The following ZNF763 variants were observed in gnomAD, a reference collection of about 807,000 sequenced individuals.
ZNF763 encodes DNA-binding protein.
Under a neutral mutation model 38.0 loss-of-function variants are expected in ZNF763, and 33 were observed. That is an observed-to-expected ratio of 0.87 (90% CI 0.66 to 1.16). The LOEUF (loss-of-function observed/expected upper bound fraction) is 1.16. Ranked by LOEUF, ZNF763 falls within the 50% of genes most tolerant of loss-of-function variation. The pLI is 0.00. For missense variants in ZNF763, 423 were observed against 469.1 expected, an observed-to-expected ratio of 0.90 and a Z score of 0.91; for synonymous variants, 155 against 160.1, an observed-to-expected ratio of 0.97 and a Z score of 0.24.
In ZNF763 at chr19:11,978,399, T is replaced by G; in HGVS notation, c.475T>G (p.Phe159Val). The G allele has an allele frequency of 6.2e-7, 1 of 1,614,164 alleles. No individual in the cohort carries two copies. Among genetic ancestry groups the G allele is most frequent in the Non-Finnish European group, 8.5e-7 (1 of 1,180,020 alleles). ...PKKAFRYHPS[F>V]RTQERNHTGE... is the part of the protein sequence containing the mutation. ...GAAAGCCTTCAGATATCACCCCTCC[T>G]TTAGAACACAAGAAAGGAATCACAC... is the stretch of plus-strand genomic sequence containing the variant. The change falls in exon 4 of 4, where the codon TTT becomes GTT. Residue 159 changes from phenylalanine to valine, a missense_variant. Physicochemically the swap from Phe to Val is conservative, Grantham distance 50. Coordinates refer to ENST00000358987, the MANE Select transcript of ZNF763 (RefSeq NM_001367172.2).
rs1225367258 is a variant in ZNF763 at position 11,979,361 on chromosome 19, T to A, written c.*252T>A. 3 of 1,608,762 alleles carry A rather than the reference T, an allele frequency of 1.9e-6. No homozygotes were observed. Among genetic ancestry groups the A allele is most frequent in the Non-Finnish European group, 2.5e-6 (3 of 1,177,968 alleles). Reference sequence around the variant, plus strand: ...ACTCACTGGAGAGAAACCCTATGAGTGTAAGGAATGTGGGAAAGCCTTCAG... The same window carrying A: ...ACTCACTGGAGAGAAACCCTATGAGAGTAAGGAATGTGGGAAAGCCTTCAG... On this transcript the variant is annotated 3_prime_UTR_variant, in exon 4 of 4. Coordinates refer to ENST00000358987, the MANE Select transcript of ZNF763 (RefSeq NM_001367172.2).
In ZNF763 at chr19:11,978,355, A is replaced by G. The variant is rs368440467; in HGVS notation, c.431A>G (p.Tyr144Cys). 2.1e-5 allele frequency: 34 copies of G among 1,614,126 alleles called. No individual in the cohort carries two copies. Among genetic ancestry groups the G allele is most frequent in the Middle Eastern group, 1.6e-4 (1 of 6,084 alleles). Reference sequence around the variant, plus strand: ...TATCAGGACTATGCACCAAAGCCATATAAGTGTCAACAACCTAAGAAAGCC... The same window carrying G: ...TATCAGGACTATGCACCAAAGCCATGTAAGTGTCAACAACCTAAGAAAGCC... ...YEYQDYAPKP[Y>C]KCQQPKKAFR... The change falls in exon 4 of 4, where the codon TAT (tyrosine) becomes TGT (cysteine). Residue 144 changes from tyrosine (Y) to cysteine (C), a missense_variant. By Grantham distance (194) the Tyr-to-Cys change is radical. Transcript: ENST00000358987.
At chr19:11,967,818 G>A (rs1233116862) in intron 1 of ZNF763, among the ~76,000 whole-genome samples, 2 of 152,186 alleles carry the variant, frequency 1.3e-5, no homozygotes, top group African/African-American at 4.8e-5. Context: ...TTGTTATGTA[G>A]GGGTCTTGTC....
chr19:11,965,131 C>T lies in ZNF763; in HGVS notation c.-78C>T, dbSNP rs2145318070. Reference sequence around the variant, plus strand: ...CTGGTACCTCTACCCAGGTTTCTATCGCTCTGTCTCCTGCGCTGTGCCCTT... The same window carrying T: ...CTGGTACCTCTACCCAGGTTTCTATTGCTCTGTCTCCTGCGCTGTGCCCTT... On this transcript the variant is annotated 5_prime_UTR_variant, in exon 1 of 4. Coordinates refer to ENST00000358987, the MANE Select transcript of ZNF763 (RefSeq NM_001367172.2). 4 of 1,601,206 alleles carry T rather than the reference C, an allele frequency of 2.5e-6. No individual in the cohort carries two copies. The highest frequency in any genetic ancestry group is 2.2e-5 in the East Asian group (1 of 44,792).
At chr19:11,967,490 C>T (rs1460272788) in intron 1 of ZNF763, among the ~76,000 whole-genome samples, 6 of 152,058 alleles carry the variant, frequency 3.9e-5, no homozygotes, top group African/African-American at 1.4e-4. Flanking sequence ...CTGCAAGCTC[C>T]ACCTCCCGGG....
rs1167654960 is a variant in ZNF763, at chr19:11,972,599, A to G, written c.4-4439A>G. On this transcript the variant is annotated intron_variant, in intron 1 of 3. Coordinates refer to ENST00000358987, the MANE Select transcript of ZNF763 (RefSeq NM_001367172.2). ...TATATTTTATTTTTGCACATTTTTT[A>G]TGCAAATGATAACCAATGTGTGATA... Among the ~76,000 whole-genome samples, 6 of 152,328 alleles carry G rather than the reference A, an allele frequency of 3.9e-5. No individual in the cohort carries two copies. In the South Asian group the frequency reaches 6.2e-4, roughly 16 times the overall value.
At position 11,978,140 on chromosome 19, in the gene ZNF763, T is replaced by C; in HGVS notation, c.216T>C (p.Asn72=). The C allele has an allele frequency of 6.2e-7, 1 of 1,613,134 alleles. No individual in the cohort carries two copies. The highest frequency in any genetic ancestry group is 8.5e-7 in the Non-Finnish European group (1 of 1,179,836). The change falls in exon 4 of 4, where the codon AAT becomes AAC. Residue 72 remains asparagine, a synonymous_variant. Transcript: ENST00000358987. ...NFRSLIEGNV[N]EIKEDSHCGE... The stretch of plus-strand genomic sequence containing the variant: ...GGAGTCTCATAGAAGGGAATGTCAA[T>C]GAAATTAAAGAAGACAGTCATTGTG...
At chr19:11,968,137 G>A (rs2145324607) in intron 1 of ZNF763, among the ~76,000 whole-genome samples, 1 of 152,078 alleles carries the variant, frequency 6.6e-6, no homozygotes, top group East Asian at 1.9e-4. Flanking sequence ...GGAGCTGATT[G>A]GTCTTTCTCT....
chr19:11,976,555 CAAAAAAAAA>C (rs1197877281), intron 1 of ZNF763, among the ~76,000 whole-genome samples: 24 of 73,828 alleles, frequency 3.3e-4, no homozygotes, highest in African/African-American at 8.4e-4. Context: ...GACTCTGTCT[CAAAAAAAAA>C]AAAAAAAAAA....
Position 11,978,663 on chromosome 19 carries a change from GA to G in ZNF763, c.742del (p.Arg248GlufsTer150). ...FSYSATHRIH[E>X]RTHTGEKPYE... ...TTATTCTGCTACCCATCGAATACAT[GA>G]AAGAACTCACACTGGAGAAAAGCCT... On this transcript the variant is annotated frameshift_variant, in exon 4 of 4. Transcript: ENST00000358987. LOFTEE classifies it high-confidence loss of function. The G allele has an allele frequency of 6.2e-7, 1 of 1,614,024 alleles. No individual in the cohort carries two copies. Among genetic ancestry groups the G allele is most frequent in the Non-Finnish European group, 8.5e-7 (1 of 1,179,972 alleles).
At chr19:11,977,778 C>T (rs79770930) in intron 3 of ZNF763, among the ~76,000 whole-genome samples, 1 of 152,142 alleles carries the variant, frequency 6.6e-6, no homozygotes, top group Admixed American at 6.6e-5. Context: ...ATCACTCAAG[C>T]CCCCAGGAGT....
intron 1 of ZNF763, among the ~76,000 whole-genome samples, chr19:11,972,751 C>T (rs1303965808): frequency 6.6e-6 from 1 of 152,200 alleles, no homozygotes; most frequent in East Asian, 1.9e-4. Context: ...AAATAATCCA[C>T]AGAGTTCCCA....
chr19:11,977,310 C>T, intron 2 of ZNF763, 61 bp from the exon 3 acceptor site: 1 of 1,606,002 alleles, frequency 6.2e-7, no homozygotes, highest in Admixed American at 1.7e-5. Flanking sequence ...GACATAGAAT[C>T]TAATAATTTT....
At position 11,974,538 on chromosome 19, in the gene ZNF763, C is replaced by T. The variant is rs183134106; in HGVS notation, c.4-2500C>T. Among the ~76,000 whole-genome samples, 477 of 143,614 alleles carry T rather than the reference C, an allele frequency of 3.3e-3. 3 individuals are homozygous for T. Among genetic ancestry groups the T allele is most frequent in the African/African-American group, 0.012 (441 of 37,592 alleles). The allele number at this position is 143,614 out of a possible 152,430, so 94.2% of individuals were successfully genotyped here. ...TAATAACATGCAATGTTGAGCATCC[C>T]GTCATATGTTTGTTTGACATAATTA... On this transcript the variant is annotated intron_variant, in intron 1 of 3. Transcript: ENST00000358987.
chr19:11,971,077 G>A (rs1401758674), intron 1 of ZNF763, among the ~76,000 whole-genome samples: 3 of 152,166 alleles, frequency 2.0e-5, no homozygotes, highest in African/African-American at 7.2e-5. Flanking sequence ...TAGGGATATT[G>A]CTTCTCTATC....
rs1973542674 is a variant in ZNF763, at chr19:11,978,380, C to A, written c.456C>A (p.Ala152=). 6.2e-7 allele frequency: 1 copy of A among 1,614,204 alleles called. No homozygotes were observed. ...ATAAGTGTCAACAACCTAAGAAAGCCTTCAGATATCACCCCTCCTTTAGAA... is the reference window on the plus strand; with the variant it reads ...ATAAGTGTCAACAACCTAAGAAAGCATTCAGATATCACCCCTCCTTTAGAA... The part of the protein sequence containing the change: ...KPYKCQQPKK[A]FRYHPSFRTQ... The change falls in exon 4 of 4, where the codon GCC becomes GCA. Residue 152 remains alanine (A), a synonymous_variant. Transcript: ENST00000358987.
At chr19:11,974,845 C>T (rs573372946) in intron 1 of ZNF763, among the ~76,000 whole-genome samples, 13 of 152,330 alleles carry the variant, frequency 8.5e-5, no homozygotes, top group African/African-American at 1.4e-4. Flanking sequence ...TCAAGTGATA[C>T]GCCTGCCTTG....
intron 1 of ZNF763, among the ~76,000 whole-genome samples, chr19:11,975,286 G>A (rs957361549): frequency 2.6e-5 from 4 of 151,888 alleles, no homozygotes; most frequent in African/African-American, 9.7e-5. Context: ...GGTCAGGCTG[G>A]TCTCGAACTC....
intron 1 of ZNF763, among the ~76,000 whole-genome samples, chr19:11,974,381 G>A: frequency 6.6e-6 from 1 of 151,284 alleles, no homozygotes; most frequent in Non-Finnish European, 1.5e-5. Flanking sequence ...ATTATTAGTA[G>A]AGATGACATT....
Sources: gnomAD v4.1 joint callset for allele counts (sites outside exome capture counted in the v4.1 genomes callset) on GRCh38, gnomAD v4.1.1 for gene constraint, MANE v1.5 for transcripts, NCBI Gene and HGNC (gene_info 2026-07-23, HGNC 2026-07-21) for gene names.